The following ARHGAP21 variants were observed in gnomAD, a reference collection of about 807,000 sequenced individuals.
ARHGAP21 encodes Rho GTPase activating protein 21.
A neutral mutation model predicts 164.6 loss-of-function variants in ARHGAP21; 38 were observed. That is an observed-to-expected ratio of 0.23 (90% CI 0.18 to 0.30). The LOEUF is 0.30. Among genes scored for constraint, ARHGAP21 ranks in the 10% least tolerant of loss-of-function variants. The pLI, the probability that ARHGAP21 is intolerant of heterozygous loss-of-function variation, is 1.00. For synonymous variants in ARHGAP21, 766 were observed against 857.9 expected, an observed-to-expected ratio of 0.89 and a Z score of 1.87; for missense variants, 1,822 against 2,370.7, an observed-to-expected ratio of 0.77 and a Z score of 4.81.
rs1196210044 is a variant in ARHGAP21 at position 24,585,594 on chromosome 10, T to G, written c.4695A>C (p.Lys1565Asn). ...QASLARFSMK[K>N]STSPETKHSE... ...TATGTTTCGTTTCTGGACTGGTTGATTTCTTCATGGAAAACCTTGCCAGGG... is the reference window on the plus strand; with the variant it reads ...TATGTTTCGTTTCTGGACTGGTTGAGTTCTTCATGGAAAACCTTGCCAGGG... Residue 1565 changes from lysine to asparagine, a missense_variant, in exon 26 of 26, where the codon AAA becomes AAC. By Grantham distance (94) the Lys-to-Asn change is moderately conservative (BLOSUM62 0). Around this residue, in one of 5 missense-constraint regions of ARHGAP21, gnomAD observed 333 missense variants for 383.9 expected, o/e 0.87. Coordinates refer to ENST00000396432, the MANE Select transcript of ARHGAP21 (RefSeq NM_020824.4). 6.2e-7 allele frequency: 1 copy of G among 1,614,074 alleles called. No individual in the cohort carries two copies. Among genetic ancestry groups the G allele is most frequent in the Non-Finnish European group, 8.5e-7 (1 of 1,180,044 alleles).
Position 24,698,938 on chromosome 10 carries a change from T to C in ARHGAP21, c.63+22899A>G, listed in dbSNP as rs375343177. Among the ~76,000 whole-genome samples the C allele has an allele frequency of 1.7e-4, 26 of 152,324 alleles. No individual in the cohort carries two copies. The East Asian group carries it at 3.3e-3, about 19-fold the overall frequency. Reference sequence around the variant, plus strand: ...CCAACTCACAATATATTTGTACATATATATCAGCAATGCTAAAGGTTTCAG... The same window carrying C: ...CCAACTCACAATATATTTGTACATACATATCAGCAATGCTAAAGGTTTCAG... On this transcript the variant is annotated intron_variant, in intron 2 of 25. Transcript: ENST00000396432.
intron 4 of ARHGAP21, among the ~76,000 whole-genome samples, chr10:24,659,791 A>G (rs997612136): frequency 6.6e-6 from 1 of 152,230 alleles, no homozygotes; most frequent in African/African-American, 2.4e-5. Context: ...GGCATGGGCC[A>G]CTATACCCAT....
Position 24,584,798 on chromosome 10 carries a change from C to T in ARHGAP21, c.5491G>A (p.Glu1831Lys), listed in dbSNP as rs1436944810. Residue 1831 changes from glutamate to lysine, a missense_variant, in exon 26 of 26, where the codon GAA becomes AAA. By Grantham distance (56) the Glu-to-Lys change is moderately conservative. Around this residue, in one of 5 missense-constraint regions of ARHGAP21, gnomAD observed 165 missense variants for 176.6 expected, o/e 0.93. Transcript: ENST00000396432. ...VHEQSGERES[E>K]LSAVNRLKPK... is the part of the protein sequence containing the mutation. Reference sequence around the variant, plus strand: ...TTTAACCGGTTTACAGCTGAAAGTTCAGATTCTCTCTCCCCGCTCTGCTCA... The same window carrying T: ...TTTAACCGGTTTACAGCTGAAAGTTTAGATTCTCTCTCCCCGCTCTGCTCA... The T allele has an allele frequency of 6.2e-7, 1 of 1,613,956 alleles. No homozygotes were observed.
Position 24,611,627 on chromosome 10 carries a change from C to G in ARHGAP21, c.2423-3724G>C, listed in dbSNP as rs576171283. Reference sequence around the variant, plus strand: ...GTTGAGGCAGGAGAATCGCTTGAACCTGGGAGGTGGAGGCTGCAGTGAAGC... The same window carrying G: ...GTTGAGGCAGGAGAATCGCTTGAACGTGGGAGGTGGAGGCTGCAGTGAAGC... On this transcript the variant is annotated intron_variant, in intron 9 of 25. Transcript: ENST00000396432. Among the ~76,000 whole-genome samples, 25 of 152,086 alleles carry G rather than the reference C, an allele frequency of 1.6e-4. No individual in the cohort carries two copies. In the South Asian group the frequency reaches 5.0e-3, roughly 30 times the overall value.
At chr10:24,649,197 C>A (rs1344306141) in intron 4 of ARHGAP21, among the ~76,000 whole-genome samples, 1 of 152,186 alleles carries the variant, frequency 6.6e-6, no homozygotes, top group Non-Finnish European at 1.5e-5. Context: ...CATGTACTAG[C>A]TAACTGGGCT....
At chr10:24,707,097 G>T (rs913574478) in intron 2 of ARHGAP21, among the ~76,000 whole-genome samples, 1 of 152,080 alleles carries the variant, frequency 6.6e-6, no homozygotes, top group African/African-American at 2.4e-5. Flanking sequence ...TCCTTCAATG[G>T]CTCTCATCCT....
intron 4 of ARHGAP21, among the ~76,000 whole-genome samples, chr10:24,644,733 C>T (rs1837390288): frequency 6.6e-6 from 1 of 152,216 alleles, no homozygotes; most frequent in Admixed American, 6.5e-5. Flanking sequence ...CCACTACTTA[C>T]TCTCAAATTT....
At position 24,666,966 on chromosome 10, in the gene ARHGAP21, T is replaced by C. The variant is rs771125977; in HGVS notation, c.268+19A>G. On this transcript the variant is annotated intron_variant, in intron 4 of 25. Transcript: ENST00000396432. ...GGTAGAAAAACATTCAGAGATAAATTAAAATGTTTATAGCATACCTCCTCT... is the reference window on the plus strand; with the variant it reads ...GGTAGAAAAACATTCAGAGATAAATCAAAATGTTTATAGCATACCTCCTCT... 5 of 1,423,514 alleles carry C rather than the reference T, an allele frequency of 3.5e-6. No homozygotes were observed. The highest frequency in any genetic ancestry group is 4.4e-5 in the Admixed American group (2 of 45,600). The allele number at this position is 1,423,514 out of a possible 1,614,324, so 88.2% of individuals were successfully genotyped here.
At chr10:24,685,355 T>C (rs924020005) in intron 2 of ARHGAP21, among the ~76,000 whole-genome samples, 2 of 152,154 alleles carry the variant, frequency 1.3e-5, no homozygotes, top group Non-Finnish European at 2.9e-5. Context: ...CAGTTTATAG[T>C]GTCATAAGCA....
chr10:24,591,179 A>G (rs2076314320), intron 24 of ARHGAP21, 46 bp downstream of exon 24: 1 of 1,434,540 alleles, frequency 7.0e-7, no homozygotes, highest in African/African-American at 1.4e-5. Flanking sequence ...TATTGTAAGA[A>G]TGTAGCTTTC....
In ARHGAP21 at chr10:24,600,725, C is replaced by A. The variant is rs1227762637; in HGVS notation, c.3053G>T (p.Cys1018Phe). 1 of 1,613,978 alleles carries A rather than the reference C, an allele frequency of 6.2e-7. No individual in the cohort carries two copies. The highest frequency in any genetic ancestry group is 1.1e-5 in the South Asian group (1 of 91,084). ...VFRLTTSDCE[C>F]LFQAEDRDDM... ...ATCTCTGTCTTCAGCCTGAAACAGGCATTCACAGTCGGACGTGGTGAGTCG... is the reference window on the plus strand; with the variant it reads ...ATCTCTGTCTTCAGCCTGAAACAGGAATTCACAGTCGGACGTGGTGAGTCG... Residue 1018 changes from cysteine (C) to phenylalanine (F), a missense_variant, in exon 14 of 26, where the codon TGC (cysteine) becomes TTC (phenylalanine). Around this residue, in one of 5 missense-constraint regions of ARHGAP21, gnomAD observed 1,090 missense variants for 1,378.9 expected, o/e 0.79. Coordinates refer to ENST00000396432, the MANE Select transcript of ARHGAP21 (RefSeq NM_020824.4).
intron 7 of ARHGAP21, chr10:24,628,984 T>TATATA (rs59168164): frequency 1.9e-3 from 24 of 12,922 alleles, no homozygotes; most frequent in African/African-American, 2.7e-3. Flanking sequence ...ATATATATAT[T>TATATA]TTTTTTTTTT....
chr10:24,616,058 G>A (rs955412991), intron 9 of ARHGAP21, among the ~76,000 whole-genome samples: 8 of 152,004 alleles, frequency 5.3e-5, no homozygotes, highest in Admixed American at 2.6e-4. Context: ...GATTACGGGC[G>A]CAAGCCACTG....
At chr10:24,596,582 G>A in intron 17 of ARHGAP21, 158 bp downstream of exon 17, 1 of 925,040 alleles carries the variant, frequency 1.1e-6, no homozygotes, top group Non-Finnish European at 1.6e-6. Context: ...TAGAAAAAAA[G>A]CATTACAGGT....
At chr10:24,589,135 G>A (rs2076227366) in intron 25 of ARHGAP21, 136 bp downstream of exon 25, 1 of 787,010 alleles carries the variant, frequency 1.3e-6, no homozygotes, top group Non-Finnish European at 2.1e-6. Context: ...TATTGTTTTA[G>A]GAATTAATTT....
At chr10:24,596,160 T>C (rs546716203) in intron 17 of ARHGAP21, 117 bp from the exon 18 acceptor site, 3 of 845,218 alleles carry the variant, frequency 3.5e-6, no homozygotes, top group East Asian at 2.7e-5. Flanking sequence ...TTATGTAATA[T>C]AAAGAATACA....
At chr10:24,650,830 T>C (rs372378813) in intron 4 of ARHGAP21, among the ~76,000 whole-genome samples, 100 of 152,238 alleles carry the variant, frequency 6.6e-4, no homozygotes, top group African/African-American at 2.2e-3. Context: ...AGCTTCCAAA[T>C]AGATGGAAAT....
intron 2 of ARHGAP21, among the ~76,000 whole-genome samples, chr10:24,688,447 C>T (rs961059873): frequency 4.6e-5 from 7 of 152,094 alleles, no homozygotes; most frequent in African/African-American, 1.7e-4. Context: ...AACACTGACA[C>T]TCCAAGAGGT....
intron 2 of ARHGAP21, among the ~76,000 whole-genome samples, chr10:24,721,002 A>G (rs1057263684): frequency 6.6e-6 from 1 of 152,040 alleles, no homozygotes; most frequent in African/African-American, 2.4e-5. Context: ...AGGAAAAAAA[A>G]AAAAGGTGAG....
Sources: allele counts gnomAD v4.1 joint callset (sites outside exome capture counted in the v4.1 genomes callset), GRCh38; gene constraint gnomAD v4.1.1; regional missense constraint gnomAD v4.1.1; transcripts MANE v1.5; gene names NCBI Gene and HGNC (gene_info 2026-07-23, HGNC 2026-07-21).